DOC2A: variants seen among roughly 807,000 people sequenced by gnomAD.
The protein encoded by DOC2A is double C2 domain alpha.
A neutral mutation model predicts 40.6 loss-of-function variants in DOC2A; 28 were observed. The observed-to-expected ratio is 0.69, with a 90% CI of 0.51 to 0.95. The LOEUF is 0.95. Among genes scored for constraint, DOC2A ranks in the 40% least tolerant of loss-of-function variants. DOC2A has a pLI of 0.00. For missense variants in DOC2A, 474 were observed against 552.5 expected, an observed-to-expected ratio of 0.86 and a Z score of 1.42; for synonymous variants, 241 against 236.9, an observed-to-expected ratio of 1.02 and a Z score of -0.16.
chr16:30,006,548 CCCA>C lies in DOC2A; in HGVS notation c.961-42_961-40del. The C allele has an allele frequency of 6.2e-7, 1 of 1,613,518 alleles. No homozygotes were observed. The highest frequency in any genetic ancestry group is 8.5e-7 in the Non-Finnish European group (1 of 1,179,554). ...CGGCCACCCGTTCGTGAGCCAGCTC[CCCA>C]GCCCCTCCCTGGCCTCCCTCCATGT... is the stretch of plus-strand genomic sequence containing the variant. On this transcript the variant is annotated intron_variant, in intron 9 of 10. Coordinates refer to ENST00000350119, the MANE Select transcript of DOC2A (RefSeq NM_003586.3). This position sits in a 1 kb window ranked among gnomAD's most constrained non-coding sequence, Gnocchi z 6.2.
At chr16:30,021,094 C>T (rs1399012836) in intron 1 of DOC2A, 1 of 152,234 alleles carries the variant, frequency 6.6e-6, no homozygotes, top group Non-Finnish European at 1.5e-5. Flanking sequence ...CACCCCCGCC[C>T]CGCTGCCCCC....
chr16:30,011,916 T>C (rs2070788620), upstream of DOC2A, among the ~76,000 whole-genome samples: 1 of 152,122 alleles, frequency 6.6e-6, no homozygotes, highest in Non-Finnish European at 1.5e-5. Flanking sequence ...GGCTTGGCTC[T>C]GAAGGTCTCA....
chr16:30,006,479 G>C lies in DOC2A; in HGVS notation c.991C>G (p.Leu331Val), dbSNP rs765238797. The C allele has an allele frequency of 1.2e-6, 2 of 1,613,852 alleles. No individual in the cohort carries two copies. The highest frequency in any genetic ancestry group is 2.2e-5 in the East Asian group (1 of 44,822). Residue 331 changes from leucine (L) to valine (V), a missense_variant, in exon 10 of 11, where the codon CTG becomes GTG. By Grantham distance (32) the Leu-to-Val change is conservative. Coordinates refer to ENST00000350119, the MANE Select transcript of DOC2A (RefSeq NM_003586.3). The surrounding 1 kb of genome is among the most constrained non-coding windows in gnomAD (Gnocchi z 6.2). ...GTGACTTCCAGGGTCTTGGTGGCCAGAGTGGAGAGCTCTATCTCGTAGAAA... is the reference window on the plus strand; with the variant it reads ...GTGACTTCCAGGGTCTTGGTGGCCACAGTGGAGAGCTCTATCTCGTAGAAA... ...EFFYEIELST[L>V]ATKTLEVTVW...
upstream of DOC2A, chr16:30,012,475 C>T (rs1464397412): frequency 6.6e-6 from 1 of 152,088 alleles, no homozygotes; most frequent in Non-Finnish European, 1.5e-5. Context: ...CTGAACATAC[C>T]TAACACCACC....
rs376120114 is a variant in DOC2A, at chr16:30,010,085, G to C, written c.138C>G (p.Gly46=). The C allele has an allele frequency of 1.2e-6, 2 of 1,611,854 alleles. No homozygotes were observed. The highest frequency in any genetic ancestry group is 1.7e-6 in the Non-Finnish European group (2 of 1,178,876). ...GGGCGGGGGCCTCCCCGCCGCCCCCGCCGCCCCCTTCAGGTCCTGGTCCCC... is the reference window on the plus strand; with the variant it reads ...GGGCGGGGGCCTCCCCGCCGCCCCCCCCGCCCCCTTCAGGTCCTGGTCCCC... The part of the protein sequence containing the change: ...FPRGPGPEGG[G]GGGGEAPAHL... The change falls in exon 2 of 11, where the codon GGC becomes GGG. Residue 46 remains glycine (G), a synonymous_variant. Transcript: ENST00000350119. This position sits in a 1 kb window ranked among gnomAD's most constrained non-coding sequence, Gnocchi z 4.2.
Position 30,005,653 on chromosome 16 carries a change from GTTA to G in DOC2A, c.*530_*532del. On this transcript the variant is annotated 3_prime_UTR_variant, in exon 11 of 11. Transcript: ENST00000350119. ...AAACCCCGGCCCCCTCCAGGGGACA[GTTA>G]TTTAAACGAGTGGCCGGGAGCATCT... The G allele has an allele frequency of 1.7e-6, 1 of 584,606 alleles. No homozygotes were observed. The highest frequency in any genetic ancestry group is 3.1e-5 in the East Asian group (1 of 32,148). 36.2% of individuals were successfully genotyped at this position (584,606 alleles called of 1,614,324 possible).
chr16:30,022,934 C>T (rs1003154661), upstream of DOC2A: 2 of 175,152 alleles, frequency 1.1e-5, no homozygotes, highest in South Asian at 2.7e-4. Flanking sequence ...GCATTCCCAC[C>T]TGGGTGACAG....
intron 1 of DOC2A, chr16:30,021,165 C>T (rs2070904128): frequency 6.6e-6 from 1 of 151,530 alleles, no homozygotes; most frequent in Non-Finnish European, 1.5e-5. Flanking sequence ...ATGGCAAGTA[C>T]CCCGAGTCCT....
At chr16:30,021,932 C>T (rs2070916002), upstream of DOC2A, among the ~76,000 whole-genome samples, 1 of 151,922 alleles carries the variant, frequency 6.6e-6, no homozygotes, top group Non-Finnish European at 1.5e-5. Context: ...GTGATTTCCT[C>T]CCGTGTATAA....
chr16:30,016,046 TATATATATA>T (rs1295218889), upstream of DOC2A, among the ~76,000 whole-genome samples: 10 of 26,120 alleles, frequency 3.8e-4, no homozygotes, highest in East Asian at 2.6e-3. Context: ...TATATATATA[TATATATATA>T]TTTTTTTTTT....
At chr16:30,016,123 G>A (rs1413081867), upstream of DOC2A, among the ~76,000 whole-genome samples, 3 of 134,562 alleles carry the variant, frequency 2.2e-5, no homozygotes, top group African/African-American at 5.9e-5. Flanking sequence ...GCAGTGGCAC[G>A]ATCTTGGCTC....
chr16:30,015,651 TTTCCTTCC>T (rs565095135), upstream of DOC2A, among the ~76,000 whole-genome samples: 1 of 151,166 alleles, frequency 6.6e-6, no homozygotes, highest in Non-Finnish European at 1.5e-5. Context: ...TCTTTTCTTC[TTTCCTTCC>T]TTCCTTCCTT....
Position 30,007,244 on chromosome 16 carries a change from G to A in DOC2A, c.583C>T (p.Arg195Cys), listed in dbSNP as rs142406537. The change falls in exon 6 of 11, where the codon CGC (arginine) becomes TGC (cysteine). Residue 195 changes from arginine (R) to cysteine (C), a missense_variant. Coordinates refer to ENST00000350119, the MANE Select transcript of DOC2A (RefSeq NM_003586.3). ...GGCTTGAGGCGGCGGAGGGGCACGC[G>A]GATCTCCCCAATAAACTCATTGTGA... ...LSHNEFIGEI[R>C]VPLRRLKPSQ... 1.4e-5 allele frequency: 22 copies of A among 1,613,846 alleles called. No individual in the cohort carries two copies. Among genetic ancestry groups the A allele is most frequent in the East Asian group, 2.2e-5 (1 of 44,876 alleles).
In DOC2A at chr16:30,009,396, C is replaced by A. The variant is rs1449760594; in HGVS notation, c.342+82G>T. On this transcript the variant is annotated intron_variant, in intron 3 of 10. Transcript: ENST00000350119. The surrounding 1 kb of genome is among the most constrained non-coding windows in gnomAD (Gnocchi z 4.1). ...GGCAAGGGCAGGACGAAGGAGCAGG[C>A]CTGGGAAGGGAAGGAGGAATGGGCC... 1.3e-6 allele frequency: 2 copies of A among 1,502,680 alleles called. No individual in the cohort carries two copies. Among genetic ancestry groups the A allele is most frequent in the Non-Finnish European group, 1.8e-6 (2 of 1,104,050 alleles). The allele number at this position is 1,502,680 out of a possible 1,614,324, so 93.1% of individuals were successfully genotyped here.
chr16:30,015,490 GTA>G (rs2150962194), upstream of DOC2A, among the ~76,000 whole-genome samples: 1 of 152,086 alleles, frequency 6.6e-6, no homozygotes, highest in African/African-American at 2.4e-5. Context: ...TAATTTTTTT[GTA>G]TTTTTGTAGA....
chr16:30,006,372 A>G lies in DOC2A; in HGVS notation c.1057+41T>C. 1 of 1,613,178 alleles carries G rather than the reference A, an allele frequency of 6.2e-7. No homozygotes were observed. Among genetic ancestry groups the G allele is most frequent in the African/African-American group, 1.3e-5 (1 of 74,922 alleles). On this transcript the variant is annotated intron_variant, in intron 10 of 10. Coordinates refer to ENST00000350119, the MANE Select transcript of DOC2A (RefSeq NM_003586.3). This position sits in a 1 kb window ranked among gnomAD's most constrained non-coding sequence, Gnocchi z 6.2. Reference sequence around the variant, plus strand: ...GCAGGGTCAGGGCCACCTCCCTGCCACTTGCCCGCCCTCAACACCCGCAGC... The same window carrying G: ...GCAGGGTCAGGGCCACCTCCCTGCCGCTTGCCCGCCCTCAACACCCGCAGC...
Position 30,009,234 on chromosome 16 carries a change from C to G in DOC2A, c.385G>C (p.Val129Leu), listed in dbSNP as rs1364504112. The G allele has an allele frequency of 6.3e-7, 1 of 1,576,728 alleles. No homozygotes were observed. The highest frequency in any genetic ancestry group is 8.6e-7 in the Non-Finnish European group (1 of 1,160,004). Residue 129 changes from valine (V) to leucine (L), a missense_variant, in exon 4 of 11, where the codon GTC (valine) becomes CTC (leucine). Physicochemically the swap from Val to Leu is conservative, Grantham distance 32 (BLOSUM62 1). Coordinates refer to ENST00000350119, the MANE Select transcript of DOC2A (RefSeq NM_003586.3). The surrounding 1 kb of genome is among the most constrained non-coding windows in gnomAD (Gnocchi z 4.1). ...MDFNGLADPY[V>L]KLHLLPGACK... is the part of the protein sequence containing the mutation. ...GCTCCAGGCAGCAAGTGCAGCTTGACGTAGGGGTCGGCGAGGCCATTGAAA... is the reference window on the plus strand; with the variant it reads ...GCTCCAGGCAGCAAGTGCAGCTTGAGGTAGGGGTCGGCGAGGCCATTGAAA...
chr16:30,017,842 C>T (rs1028296567), intron 1 of DOC2A, among the ~76,000 whole-genome samples: 2 of 151,750 alleles, frequency 1.3e-5, no homozygotes, highest in African/African-American at 4.8e-5. Context: ...CGTCTGTAAT[C>T]CCAGCTACTC....
At position 30,005,921 on chromosome 16, in the gene DOC2A, G is replaced by A. The variant is rs1048699647; in HGVS notation, c.*265C>T. ...GGAGTGAGGAGCGCGGGGGCCTGGG[G>A]CCGGGCTCTGAGCACTGCCCGGGTG... On this transcript the variant is annotated 3_prime_UTR_variant, in exon 11 of 11. Transcript: ENST00000350119. 1.1e-5 allele frequency: 6 copies of A among 552,286 alleles called. No homozygotes were observed. The Admixed American group carries it at 2.0e-4, about 18-fold the overall frequency. 34.2% of individuals were successfully genotyped at this position (552,286 alleles called of 1,614,324 possible). A position where few individuals can be genotyped will look rare whatever the true frequency, so the allele number is the denominator to read the frequency against.
Sources: allele counts gnomAD v4.1 joint callset (sites outside exome capture counted in the v4.1 genomes callset), GRCh38; gene constraint gnomAD v4.1.1; non-coding constraint Gnocchi (gnomAD v3.1); transcripts MANE v1.5; gene names NCBI Gene and HGNC (gene_info 2026-07-23, HGNC 2026-07-21).